Variants in AOPEP observed in about 807,000 individuals in gnomAD.
AOPEP encodes the protein aminopeptidase O.
In AOPEP, 77 loss-of-function variants were observed where a neutral mutation model predicts 98.1. The observed-to-expected ratio is 0.78, with a 90% confidence interval of 0.65 to 0.95. The LOEUF (loss-of-function observed/expected upper bound fraction) is 0.95, where lower values mean the gene tolerates loss of function less well. Ranked by LOEUF, AOPEP falls within the 40% of genes least tolerant of loss-of-function variation. The pLI, the probability that AOPEP is intolerant of heterozygous loss-of-function variation, is 0.00. For synonymous variants in AOPEP, 346 were observed against 365.3 expected (o/e 0.95, Z 0.60); for missense variants, 1,024 against 1,024.7 (o/e 1.00, Z 0.01).
At chr9:94,875,299 A>G (rs950538929) in intron 5 of AOPEP, among the ~76,000 whole-genome samples, 7 of 146,574 alleles carry the variant, frequency 4.8e-5, no homozygotes, top group African/African-American at 1.7e-4. Flanking sequence ...ATGTCTTGTT[A>G]AAATAAAAAC....
At chr9:94,946,930 G>A (rs968221384) in intron 7 of AOPEP, among the ~76,000 whole-genome samples, 17 of 151,802 alleles carry the variant, frequency 1.1e-4, no homozygotes, top group Non-Finnish European at 2.2e-4. Context: ...TGTTCATCCA[G>A]TGGGATTCAC....
chr9:95,106,955 G>GGCA, the AOPEP span: 8 of 1,051,088 alleles, frequency 7.6e-6, no homozygotes, highest in South Asian at 1.1e-4. Context: ...ATCTGTGCTG[G>GGCA]GCAGCATCCT....
intron 14 of AOPEP, among the ~76,000 whole-genome samples, chr9:95,066,378 AT>A (rs1022089982): frequency 6.6e-6 from 1 of 152,116 alleles, no homozygotes; most frequent in African/African-American, 2.4e-5. Flanking sequence ...TTTTAGATAA[AT>A]AATTTCCTGT....
chr9:94,777,651 T>TTTTTG (rs1842442327), intron 3 of AOPEP, among the ~76,000 whole-genome samples: 2 of 133,174 alleles, frequency 1.5e-5, no homozygotes, highest in Admixed American at 8.0e-5. Flanking sequence ...TTTTTTTTTT[T>TTTTTG]GAGACAGTGT....
intron 13 of AOPEP, 91 bp from the exon 14 acceptor site, chr9:95,060,603 C>A: frequency 3.5e-6 from 3 of 850,196 alleles, no homozygotes; most frequent in Non-Finnish European, 6.1e-6. Flanking sequence ...ACCCAGGTTA[C>A]CCTGGGTATG....
chr9:94,841,653 A>G (rs976481065), intron 5 of AOPEP, among the ~76,000 whole-genome samples: 1 of 152,144 alleles, frequency 6.6e-6, no homozygotes, highest in African/African-American at 2.4e-5. Flanking sequence ...ACTTACGTCA[A>G]AGGACACTTT....
intron 5 of AOPEP, among the ~76,000 whole-genome samples, chr9:94,852,261 G>A (rs541711133): frequency 2.0e-5 from 3 of 152,278 alleles, no homozygotes; most frequent in South Asian, 4.1e-4. Context: ...CTTCTAGGCA[G>A]CAGTACTTTG....
At chr9:94,736,623 A>G (rs1219937487) in intron 1 of AOPEP, among the ~76,000 whole-genome samples, 3 of 152,216 alleles carry the variant, frequency 2.0e-5, no homozygotes, top group Admixed American at 6.5e-5. Flanking sequence ...CAGCATGACA[A>G]AAATCACTGG....
chr9:94,929,854 T>C (rs1235436489), intron 7 of AOPEP, among the ~76,000 whole-genome samples: 1 of 152,172 alleles, frequency 6.6e-6, no homozygotes, highest in Non-Finnish European at 1.5e-5. Context: ...GGTGGGGAAT[T>C]TCTCTCTGAA....
intron 5 of AOPEP, among the ~76,000 whole-genome samples, chr9:94,868,283 G>T (rs114809391): frequency 6.6e-5 from 10 of 152,324 alleles, no homozygotes; most frequent in African/African-American, 2.4e-4. Flanking sequence ...CAGAAATAGT[G>T]CAGTTCACCA....
intron 13 of AOPEP, among the ~76,000 whole-genome samples, chr9:95,007,469 T>G (rs1032823420): frequency 1.3e-5 from 2 of 152,152 alleles, no homozygotes; most frequent in African/African-American, 4.8e-5. Flanking sequence ...AGCTCTTGCG[T>G]TAAAACTTAG....
chr9:94,742,675 C>T (rs956202632), intron 1 of AOPEP, among the ~76,000 whole-genome samples: 9 of 152,010 alleles, frequency 5.9e-5, no homozygotes, highest in African/African-American at 1.9e-4. Flanking sequence ...CCACGTGATC[C>T]GCCTGCCTCG....
At chr9:95,104,270 G>T in the AOPEP span, among the ~76,000 whole-genome samples, 5 of 152,212 alleles carry the variant, frequency 3.3e-5, no homozygotes, top group African/African-American at 1.2e-4. Flanking sequence ...ACATCCGAAA[G>T]GACAGCCCCC....
At chr9:94,797,940 G>A (rs1276499283) in intron 4 of AOPEP, among the ~76,000 whole-genome samples, 1 of 152,140 alleles carries the variant, frequency 6.6e-6, no homozygotes, top group African/African-American at 2.4e-5. Flanking sequence ...CTGACCTCAA[G>A]TGATCCACCT....
chr9:95,121,664 C>T, the AOPEP span, among the ~76,000 whole-genome samples: 1 of 152,152 alleles, frequency 6.6e-6, no homozygotes, highest in Non-Finnish European at 1.5e-5. Flanking sequence ...TTCCCCACAG[C>T]CACACATGGC....
chr9:94,888,666 A>G (rs540577483), intron 5 of AOPEP, among the ~76,000 whole-genome samples: 55 of 152,194 alleles, frequency 3.6e-4, no homozygotes, highest in African/African-American at 1.2e-3. Context: ...TTTGTAGTGG[A>G]AGGTGAGGCC....
At chr9:94,824,797 T>C (rs1327582513) in intron 5 of AOPEP, 1 of 152,068 alleles carries the variant, frequency 6.6e-6, no homozygotes, top group Non-Finnish European at 1.5e-5. Context: ...ACTTCTTTTT[T>C]CTCATTCAGT....
intron 7 of AOPEP, among the ~76,000 whole-genome samples, chr9:94,945,405 A>G (rs2057507764): frequency 6.6e-6 from 1 of 152,164 alleles, no homozygotes; most frequent in Non-Finnish European, 1.5e-5. Context: ...TTTTGCTTTC[A>G]TAAACAATGC....
intron 5 of AOPEP, among the ~76,000 whole-genome samples, chr9:94,840,177 T>G (rs1588483986): frequency 6.6e-6 from 1 of 152,340 alleles, no homozygotes; most frequent in East Asian, 1.9e-4. Context: ...TCCCTTCTAC[T>G]CCTAATTCAC....
Sources: gnomAD v4.1 joint callset for allele counts (sites outside exome capture counted in the v4.1 genomes callset) on GRCh38, gnomAD v4.1.1 for gene constraint, MANE v1.5 for transcripts, NCBI Gene and HGNC (gene_info 2026-07-23, HGNC 2026-07-21) for gene names.